Variants in PAQR5 observed in about 807,000 individuals in gnomAD.
PAQR5 encodes the protein progestin and adipoQ receptor family member 5.
A neutral mutation model predicts 34.5 loss-of-function variants in PAQR5; 20 were observed. The observed-to-expected ratio is 0.58, with a 90% CI of 0.41 to 0.84. The LOEUF is 0.84. Among genes scored for constraint, PAQR5 ranks in the 40% least tolerant of loss-of-function variants. The pLI is 0.00. For synonymous variants in PAQR5, 131 were observed against 155.6 expected (o/e 0.84, Z 1.18); for missense variants, 378 against 412.7 (o/e 0.92, Z 0.73).
intron 2 of PAQR5, among the ~76,000 whole-genome samples, chr15:69,346,444 C>A (rs972980076): frequency 2.7e-5 from 4 of 149,966 alleles, no homozygotes; most frequent in Admixed American, 6.7e-5. Context: ...TAGCTGGGAC[C>A]ACAGGCACAT....
intron 4 of PAQR5, among the ~76,000 whole-genome samples, chr15:69,382,658 GCATATATATATATA>G (rs2055922185): frequency 3.2e-5 from 1 of 31,100 alleles, no homozygotes; most frequent in African/African-American, 1.7e-4. Context: ...AAAAAAAAAA[GCATATATATATATA>G]TATATATATA....
At position 69,322,587 on chromosome 15, in the gene PAQR5, C is replaced by T. The variant is rs536748974; in HGVS notation, c.-276-14754C>T. Among the ~76,000 whole-genome samples, 78 of 132,134 alleles carry T rather than the reference C, an allele frequency of 5.9e-4. 1 individual carries two copies. The highest frequency in any genetic ancestry group is 1.1e-3 in the Admixed American group (13 of 12,130). 86.7% of individuals were successfully genotyped at this position (132,134 alleles called of 152,430 possible). A position where few individuals can be genotyped will look rare whatever the true frequency, so the allele number is the denominator to read the frequency against. On this transcript the variant is annotated intron_variant, in intron 1 of 8. Transcript: ENST00000395407. ...AGAGGATCATTTCAGCCTAGGAGGT[C>T]GAGGCTGCAGTGAGCTGTGTTTGTA...
intron 1 of PAQR5, among the ~76,000 whole-genome samples, chr15:69,335,542 G>GTTTTTT (rs56712868): frequency 2.8e-4 from 17 of 61,096 alleles, no homozygotes; most frequent in African/African-American, 6.1e-4. Context: ...ACCGCATCCA[G>GTTTTTT]TTTTTTTTTT....
intron 2 of PAQR5, among the ~76,000 whole-genome samples, chr15:69,341,292 C>T (rs1191647331): frequency 1.4e-5 from 2 of 146,648 alleles, no homozygotes; most frequent in African/African-American, 5.0e-5. Flanking sequence ...TTGTGTCTGG[C>T]TTATTTGACT....
intron 6 of PAQR5, 139 bp from the exon 7 acceptor site, chr15:69,397,329 A>G: frequency 1.4e-6 from 1 of 727,078 alleles, no homozygotes; most frequent in Non-Finnish European, 2.5e-6. Context: ...CTGGTGGAGA[A>G]GCTGCTGGCC....
intron 1 of PAQR5, among the ~76,000 whole-genome samples, chr15:69,315,344 G>T (rs2053922843): frequency 1.3e-5 from 2 of 152,154 alleles, no homozygotes; most frequent in Non-Finnish European, 2.9e-5. Flanking sequence ...AATAATAAAA[G>T]AAAAGAAAAG....
chr15:69,328,689 A>C (rs1433395521), intron 1 of PAQR5, among the ~76,000 whole-genome samples: 1 of 152,218 alleles, frequency 6.6e-6, no homozygotes, highest in Non-Finnish European at 1.5e-5. Context: ...GCCCACAGTG[A>C]CATGGATGGC....
At chr15:69,333,140 A>G (rs1014975414) in intron 1 of PAQR5, among the ~76,000 whole-genome samples, 1 of 149,894 alleles carries the variant, frequency 6.7e-6, no homozygotes, top group African/African-American at 2.5e-5. Flanking sequence ...ATTTTTTTTT[A>G]TCTTGCCAAT....
chr15:69,371,768 C>G (rs1047708413), intron 3 of PAQR5, among the ~76,000 whole-genome samples: 1 of 152,078 alleles, frequency 6.6e-6, no homozygotes, highest in South Asian at 2.1e-4. Flanking sequence ...ATAATAAATA[C>G]GTATTTTTAA....
intron 1 of PAQR5, among the ~76,000 whole-genome samples, 194 bp from the exon 2 acceptor site, chr15:69,337,147 T>C (rs1241756952): frequency 6.6e-6 from 1 of 152,242 alleles, no homozygotes; most frequent in Non-Finnish European, 1.5e-5. Flanking sequence ...AGAGTAAAGA[T>C]TACTTATTTC....
intron 2 of PAQR5, among the ~76,000 whole-genome samples, chr15:69,342,852 C>T (rs1349076705): frequency 6.6e-6 from 1 of 152,236 alleles, no homozygotes; most frequent in Non-Finnish European, 1.5e-5. Flanking sequence ...CTTCTCCAGC[C>T]ACGCTCAGAC....
intron 3 of PAQR5, among the ~76,000 whole-genome samples, chr15:69,369,769 A>G (rs2140883357): frequency 6.7e-6 from 1 of 150,238 alleles, no homozygotes; most frequent in East Asian, 1.9e-4. Context: ...CAGAGAAACA[A>G]CTTTCCTTAT....
rs1326867962 is a variant in PAQR5, at chr15:69,300,700, CTCTCTT to C, written c.-277+1648_-277+1653del. On this transcript the variant is annotated intron_variant, in intron 1 of 8. Coordinates refer to ENST00000395407, the MANE Select transcript of PAQR5 (RefSeq NM_017705.4). ...TCTTCCTTCCTCCCTCCCTCTCTCTCTCTCTTTCTTTCTTTCTTTCTTTCTTTCTTT... is the reference window on the plus strand; with the variant it reads ...TCTTCCTTCCTCCCTCCCTCTCTCTCTCTTTCTTTCTTTCTTTCTTTCTTT... 9.4e-4 allele frequency among the ~76,000 whole-genome samples: 6 copies of C among 6,374 alleles called. 2 individuals carry two copies. Among genetic ancestry groups the C allele is most frequent in the African/African-American group, 1.2e-3 (4 of 3,408 alleles). The allele number at this position is 6,374 out of a possible 152,430, so 4.2% of individuals were successfully genotyped here. A position where few individuals can be genotyped will look rare whatever the true frequency, so the allele number is the denominator to read the frequency against.
intron 8 of PAQR5, among the ~76,000 whole-genome samples, chr15:69,402,506 C>T (rs540920491): frequency 2.6e-5 from 4 of 151,790 alleles, no homozygotes; most frequent in South Asian, 2.1e-4. Context: ...TTAGTAGAGA[C>T]GGGGTTTCAT....
intron 1 of PAQR5, among the ~76,000 whole-genome samples, chr15:69,310,734 G>GT (rs2053811116): frequency 6.6e-6 from 1 of 151,924 alleles, no homozygotes; most frequent in Non-Finnish European, 1.5e-5. Flanking sequence ...TGTTACTGCT[G>GT]TTTTTTAAGA....
chr15:69,389,211 G>T (rs983921309), intron 5 of PAQR5, among the ~76,000 whole-genome samples: 8 of 152,136 alleles, frequency 5.3e-5, no homozygotes, highest in African/African-American at 1.2e-4. Context: ...AGCTCAGCTC[G>T]CTGGGTCTGT....
At chr15:69,349,412 C>T (rs573113253) in intron 2 of PAQR5, among the ~76,000 whole-genome samples, 2 of 152,220 alleles carry the variant, frequency 1.3e-5, no homozygotes, top group Admixed American at 1.3e-4. Context: ...ATCCAGAGAA[C>T]ATGTGTGGGG....
At chr15:69,387,196 C>G (rs1268096760) in intron 5 of PAQR5, among the ~76,000 whole-genome samples, 1 of 152,248 alleles carries the variant, frequency 6.6e-6, no homozygotes, top group African/African-American at 2.4e-5. Flanking sequence ...GCAGTCCAGA[C>G]TGCTTAGCGG....
rs868527847 is a variant in PAQR5, at chr15:69,300,896, C to T, written c.-277+1840C>T. 4.0e-3 allele frequency among the ~76,000 whole-genome samples: 56 copies of T among 14,072 alleles called. 1 individual carries two copies. Among genetic ancestry groups the T allele is most frequent in the South Asian group, 9.7e-3 (2 of 206 alleles). 9.2% of individuals were successfully genotyped at this position (14,072 alleles called of 152,430 possible). On this transcript the variant is annotated intron_variant, in intron 1 of 8. Coordinates refer to ENST00000395407, the MANE Select transcript of PAQR5 (RefSeq NM_017705.4). ...TTCTTTCTTTCTTTCTTTCTTTCTTCCTTCCTTCCTTCCTTCCTTTCTCTC... is the reference window on the plus strand; with the variant it reads ...TTCTTTCTTTCTTTCTTTCTTTCTTTCTTCCTTCCTTCCTTCCTTTCTCTC...
Sources: allele counts gnomAD v4.1 joint callset (sites outside exome capture counted in the v4.1 genomes callset), GRCh38; gene constraint gnomAD v4.1.1; transcripts MANE v1.5; gene names NCBI Gene and HGNC (gene_info 2026-07-23, HGNC 2026-07-21).